Variants in KIAA1958 observed in about 807,000 individuals in gnomAD.
The protein encoded by KIAA1958 is KIAA1958, also known as uncharacterized protein KIAA1958.
A neutral mutation model predicts 47.2 loss-of-function variants in KIAA1958; 14 were observed. That is an observed-to-expected ratio of 0.30 (90% CI 0.20 to 0.46). The LOEUF (loss-of-function observed/expected upper bound fraction) is 0.46, where lower values mean the gene tolerates loss of function less well. Among genes scored for constraint, KIAA1958 ranks in the 20% least tolerant of loss-of-function variants. The probability of loss-of-function intolerance (pLI) is 1.00; values close to 1 mark genes in which losing one functional copy is unlikely to be tolerated. For missense variants in KIAA1958, 803 were observed against 909.2 expected, an observed-to-expected ratio of 0.88 and a Z score of 1.50; for synonymous variants, 354 against 353.3, an observed-to-expected ratio of 1.00 and a Z score of -0.02.
At chr9:112,551,933 T>C (rs1026394622) in intron 1 of KIAA1958, among the ~76,000 whole-genome samples, 1 of 152,246 alleles carries the variant, frequency 6.6e-6, no homozygotes, top group Non-Finnish European at 1.5e-5. Flanking sequence ...CCTGCATCTT[T>C]GGTGGTTTAT....
intron 2 of KIAA1958, among the ~76,000 whole-genome samples, chr9:112,598,542 T>C (rs766251458): frequency 2.0e-5 from 3 of 152,200 alleles, no homozygotes; most frequent in Non-Finnish European, 4.4e-5. Context: ...ATAAGGAATT[T>C]CTGTGTCACC....
intron 1 of KIAA1958, among the ~76,000 whole-genome samples, chr9:112,495,221 AATTC>A (rs1834032998): frequency 1.3e-5 from 2 of 151,894 alleles, no homozygotes; most frequent in Non-Finnish European, 2.9e-5. Flanking sequence ...CTATTTTCTT[AATTC>A]CTCTTATTCC....
intron 1 of KIAA1958, among the ~76,000 whole-genome samples, chr9:112,508,179 G>A (rs1834263023): frequency 6.6e-6 from 1 of 152,142 alleles, no homozygotes; most frequent in African/African-American, 2.4e-5. Context: ...AGGAGACTGA[G>A]CTTCGGAGCT....
chr9:112,613,771 TA>T (rs1836366306), intron 2 of KIAA1958, among the ~76,000 whole-genome samples: 1 of 152,208 alleles, frequency 6.6e-6, no homozygotes, highest in Non-Finnish European at 1.5e-5. Context: ...AGGTTAACAG[TA>T]TTTAGTGTTG....
At chr9:112,587,298 C>T (rs1588029608) in intron 2 of KIAA1958, among the ~76,000 whole-genome samples, 2 of 151,976 alleles carry the variant, frequency 1.3e-5, no homozygotes, top group African/African-American at 4.8e-5. Flanking sequence ...TACAGGCATG[C>T]GCCACAATGC....
intron 2 of KIAA1958, among the ~76,000 whole-genome samples, chr9:112,610,749 C>T (rs543636010): frequency 5.1e-4 from 77 of 152,234 alleles, no homozygotes; most frequent in African/African-American, 1.6e-3. Context: ...ACTTTCAAAT[C>T]GTTTTCTTAT....
chr9:112,664,777 T>G lies in KIAA1958; in HGVS notation c.*4708T>G, dbSNP rs1837330072. 1 of 152,188 alleles carries G rather than the reference T, an allele frequency of 6.6e-6. No individual in the cohort carries two copies. The highest frequency in any genetic ancestry group is 2.1e-4 in the South Asian group (1 of 4,830). 9.4% of individuals were successfully genotyped at this position (152,188 alleles called of 1,614,324 possible). On this transcript the variant is annotated 3_prime_UTR_variant, in exon 4 of 4. Transcript: ENST00000337530. The stretch of plus-strand genomic sequence containing the variant: ...TGTGGTGACCTACCGCTGCCCTCCC[T>G]TTCTAAGAGAAGAGGAGGCCATGGG...
chr9:112,553,987 A>G (rs1835199192), intron 1 of KIAA1958, among the ~76,000 whole-genome samples: 2 of 152,194 alleles, frequency 1.3e-5, no homozygotes, highest in African/African-American at 2.4e-5. Context: ...GAAAAAAATA[A>G]TGCCATCATA....
chr9:112,539,592 T>C (rs1489934866), intron 1 of KIAA1958, among the ~76,000 whole-genome samples: 2 of 152,002 alleles, frequency 1.3e-5, no homozygotes, highest in African/African-American at 4.8e-5. Context: ...ATGAAGATGT[T>C]CTAAAATTGA....
intron 1 of KIAA1958, among the ~76,000 whole-genome samples, chr9:112,496,738 C>G (rs144031832): frequency 2.0e-5 from 3 of 152,082 alleles, no homozygotes; most frequent in African/African-American, 7.2e-5. Context: ...CTTGTGGTCT[C>G]GCGTTCTCCC....
chr9:112,529,474 G>A (rs549920966), intron 1 of KIAA1958, among the ~76,000 whole-genome samples: 1 of 152,270 alleles, frequency 6.6e-6, no homozygotes, highest in East Asian at 1.9e-4. Context: ...AGGATCCTCT[G>A]AGCTGTGGCA....
At chr9:112,547,355 G>T (rs1423130130) in intron 1 of KIAA1958, among the ~76,000 whole-genome samples, 6 of 141,080 alleles carry the variant, frequency 4.3e-5, no homozygotes, top group African/African-American at 1.6e-4. Context: ...CACAGCCTGG[G>T]TGACAGAGCA....
Position 112,492,954 on chromosome 9 carries a change from G to C in KIAA1958, c.-25+5836G>C, listed in dbSNP as rs189886985. On this transcript the variant is annotated intron_variant, in intron 1 of 3. Coordinates refer to ENST00000337530, the MANE Select transcript of KIAA1958 (RefSeq NM_133465.4). ...TTTTTTTTGTAGAGATGAGGCCTGT[G>C]TGTCCCAGATTGGTCTTGAACTCCT... Among the ~76,000 whole-genome samples, 10 of 126,908 alleles carry C rather than the reference G, an allele frequency of 7.9e-5. No individual in the cohort carries two copies. The East Asian group carries it at 2.3e-3, about 29-fold the overall frequency. 83.3% of individuals were successfully genotyped at this position (126,908 alleles called of 152,430 possible).
intron 3 of KIAA1958, among the ~76,000 whole-genome samples, chr9:112,650,860 A>C (rs1354852549): frequency 1.3e-5 from 2 of 152,238 alleles, no homozygotes; most frequent in Non-Finnish European, 2.9e-5. Context: ...TATACTATGC[A>C]AGCATTAATC....
intron 1 of KIAA1958, among the ~76,000 whole-genome samples, chr9:112,500,509 C>T (rs1475736524): frequency 6.6e-6 from 1 of 150,444 alleles, no homozygotes; most frequent in Non-Finnish European, 1.5e-5. Context: ...AGGCTGGTCT[C>T]GAACACCTGG....
At chr9:112,599,572 T>C (rs577303378) in intron 2 of KIAA1958, among the ~76,000 whole-genome samples, 2 of 152,338 alleles carry the variant, frequency 1.3e-5, no homozygotes, top group South Asian at 4.1e-4. Context: ...TATTCTGTGC[T>C]GTATACTAAT....
intron 3 of KIAA1958, among the ~76,000 whole-genome samples, chr9:112,652,644 C>T (rs577681418): frequency 2.0e-5 from 3 of 151,952 alleles, no homozygotes; most frequent in South Asian, 2.1e-4. Context: ...TCTTTTGAGA[C>T]GGTCTTACTC....
intron 1 of KIAA1958, among the ~76,000 whole-genome samples, chr9:112,510,152 C>T (rs1247309238): frequency 6.6e-6 from 1 of 152,126 alleles, no homozygotes; most frequent in African/African-American, 2.4e-5. Context: ...AAAGGTGAAA[C>T]TGTTTGGGAG....
chr9:112,584,517 C>A lies in KIAA1958; in HGVS notation c.1171+9266C>A, dbSNP rs1281549560. On this transcript the variant is annotated intron_variant, in intron 2 of 3. Transcript: ENST00000337530. Reference sequence around the variant, plus strand: ...AGAAAGCAAAAGTTACTACTACTGTCTTCTAGTATATTTGTTTATGGACAA... The same window carrying A: ...AGAAAGCAAAAGTTACTACTACTGTATTCTAGTATATTTGTTTATGGACAA... 9.2e-5 allele frequency among the ~76,000 whole-genome samples: 14 copies of A among 152,268 alleles called. No individual in the cohort carries two copies. In the East Asian group the frequency reaches 2.7e-3, roughly 29 times the overall value.
Sources: gnomAD v4.1 joint callset for allele counts (sites outside exome capture counted in the v4.1 genomes callset) on GRCh38, gnomAD v4.1.1 for gene constraint, MANE v1.5 for transcripts, NCBI Gene and HGNC (gene_info 2026-07-23, HGNC 2026-07-21) for gene names.